TP63: variants seen among roughly 807,000 people sequenced by gnomAD.
TP63 encodes the protein tumor protein p63.
A neutral mutation model predicts 82.8 loss-of-function variants in TP63; 17 were observed. The observed-to-expected ratio is 0.21, with a 90% CI of 0.14 to 0.31. The LOEUF (loss-of-function observed/expected upper bound fraction) is 0.31, where lower values mean the gene tolerates loss of function less well. Ranked by LOEUF, TP63 falls within the 10% of genes least tolerant of loss-of-function variation. The pLI is 1.00. For missense variants in TP63, 648 were observed against 895.3 expected (o/e 0.72, Z 3.52); for synonymous variants, 330 against 321.7 (o/e 1.03, Z -0.28).
intron 10 of TP63, among the ~76,000 whole-genome samples, chr3:189,875,369 G>A (rs964686680): frequency 4.6e-5 from 7 of 151,262 alleles, no homozygotes; most frequent in Middle Eastern, 3.2e-3. Flanking sequence ...AGCTCGAGAC[G>A]AGCCTGGTCA....
At chr3:189,625,511 G>A in the TP63 span, among the ~76,000 whole-genome samples, 1 of 151,962 alleles carries the variant, frequency 6.6e-6, no homozygotes, top group Non-Finnish European at 1.5e-5. Context: ...TTGGTGTAAA[G>A]GACATTATTA....
intron 3 of TP63, among the ~76,000 whole-genome samples, chr3:189,772,692 C>T (rs1442558078): frequency 1.3e-5 from 2 of 152,090 alleles, no homozygotes; most frequent in Non-Finnish European, 2.9e-5. Context: ...TAAGAGCATG[C>T]CAAGCCCAAC....
intron 4 of TP63, among the ~76,000 whole-genome samples, chr3:189,843,246 C>T (rs62279957): frequency 0.17 from 25,548 of 152,138 alleles, 2,683 homozygotes; most frequent in Admixed American, 0.23. Flanking sequence ...CTTTGTGGCA[C>T]GGTCTAAGTG....
chr3:189,848,219 C>A (rs943805471), intron 4 of TP63, among the ~76,000 whole-genome samples: 1 of 120,788 alleles, frequency 8.3e-6, no homozygotes, highest in Non-Finnish European at 1.7e-5. Flanking sequence ...CCTCCCTCTG[C>A]CTCCTCCTCC....
At chr3:189,620,890 A>G in the TP63 span, among the ~76,000 whole-genome samples, 1 of 152,210 alleles carries the variant, frequency 6.6e-6, no homozygotes, top group Non-Finnish European at 1.5e-5. Flanking sequence ...GAGGTTGTCC[A>G]CAAGACAGTT....
intron 4 of TP63, among the ~76,000 whole-genome samples, chr3:189,827,896 G>A (rs914059597): frequency 6.6e-6 from 1 of 152,114 alleles, no homozygotes; most frequent in Non-Finnish European, 1.5e-5. Context: ...TTGGAGGTAG[G>A]GAGACTAAAA....
At chr3:189,870,913 A>G (rs1388495442) in intron 9 of TP63, among the ~76,000 whole-genome samples, 5 of 152,058 alleles carry the variant, frequency 3.3e-5, no homozygotes. Context: ...TTTCTTCCTC[A>G]TCTTCTTTGG....
rs1375223948 is a variant in TP63 at position 189,728,843 on chromosome 3, T to A, written c.63-8897T>A. On this transcript the variant is annotated intron_variant, in intron 1 of 13. Coordinates refer to ENST00000264731, the MANE Select transcript of TP63 (RefSeq NM_003722.5). ...AGGTGGCGGAGAACCTCCCCCATGA[T>A]CCAATTACTTCCTCCTGGTCCTGCC... Among the ~76,000 whole-genome samples, 3 of 152,150 alleles carry A rather than the reference T, an allele frequency of 2.0e-5. No individual in the cohort carries two copies. The East Asian group carries it at 5.8e-4, about 29-fold the overall frequency.
At chr3:189,786,799 T>A (rs1724639217) in intron 3 of TP63, among the ~76,000 whole-genome samples, 1 of 152,016 alleles carries the variant, frequency 6.6e-6, no homozygotes, top group Non-Finnish European at 1.5e-5. Context: ...TGACGTAAAA[T>A]CCTTGCATTT....
At chr3:189,719,910 ACATAAAC>A (rs1239611257) in intron 1 of TP63, among the ~76,000 whole-genome samples, 3 of 152,348 alleles carry the variant, frequency 2.0e-5, no homozygotes, top group Admixed American at 6.5e-5. Flanking sequence ...TTGAACAATC[ACATAAAC>A]CTTAAAAGGA....
intron 1 of TP63, among the ~76,000 whole-genome samples, chr3:189,711,339 C>A (rs1718578483): frequency 6.6e-6 from 1 of 152,116 alleles, no homozygotes; most frequent in Admixed American, 6.5e-5. Flanking sequence ...GTACAAGGTC[C>A]TGTGCTGGGT....
intron 1 of TP63, among the ~76,000 whole-genome samples, chr3:189,657,980 C>G (rs1215752817): frequency 6.6e-6 from 1 of 152,062 alleles, no homozygotes; most frequent in Non-Finnish European, 1.5e-5. Flanking sequence ...CTTCTTATAT[C>G]TGTTCCTACT....
intron 1 of TP63, among the ~76,000 whole-genome samples, chr3:189,675,186 A>G (rs754557931): frequency 4.6e-5 from 7 of 152,098 alleles, no homozygotes; most frequent in Non-Finnish European, 8.8e-5. Flanking sequence ...TAATGAGGGC[A>G]CAAGTCCCAG....
intron 4 of TP63, among the ~76,000 whole-genome samples, chr3:189,828,938 A>G (rs1711871028): frequency 6.6e-6 from 1 of 152,232 alleles, no homozygotes; most frequent in African/African-American, 2.4e-5. Flanking sequence ...TATAAATAGC[A>G]GTACCATTTT....
intron 1 of TP63, among the ~76,000 whole-genome samples, chr3:189,735,194 C>A (rs1720488122): frequency 6.6e-6 from 1 of 152,122 alleles, no homozygotes. Context: ...TTCTCAGGGT[C>A]TGTTAGTTCT....
chr3:189,646,790 G>T (rs958829167), intron 1 of TP63, among the ~76,000 whole-genome samples: 3 of 147,358 alleles, frequency 2.0e-5, no homozygotes, highest in Admixed American at 6.7e-5. Flanking sequence ...TCTGGTTTGA[G>T]GCTACACGTA....
chr3:189,851,447 C>T (rs1448037327), intron 4 of TP63, among the ~76,000 whole-genome samples: 1 of 152,106 alleles, frequency 6.6e-6, no homozygotes, highest in South Asian at 2.1e-4. Context: ...TAGTGGTGGG[C>T]GCCTGTAATC....
At chr3:189,861,792 G>A (rs1027259964) in intron 4 of TP63, among the ~76,000 whole-genome samples, 1 of 152,178 alleles carries the variant, frequency 6.6e-6, no homozygotes. Flanking sequence ...GCATGGCTGA[G>A]TTAAGAGAAC....
the TP63 span, among the ~76,000 whole-genome samples, chr3:189,607,484 ACAAATAATTTTTC>A: frequency 2.0e-5 from 3 of 152,156 alleles, no homozygotes; most frequent in South Asian, 6.2e-4. Context: ...ATTTATTATT[ACAAATAATTTTTC>A]CTAGTTGTGA....
Sources: gnomAD v4.1 joint callset for allele counts (sites outside exome capture counted in the v4.1 genomes callset) on GRCh38, gnomAD v4.1.1 for gene constraint, MANE v1.5 for transcripts, NCBI Gene and HGNC (gene_info 2026-07-23, HGNC 2026-07-21) for gene names.